The following CRTAC1 variants were observed in gnomAD, a reference collection of about 807,000 sequenced individuals.
CRTAC1 encodes the protein cartilage acidic protein 1, also known as acidic secreted protein in cartilage.
Under a neutral mutation model 67.8 loss-of-function variants are expected in CRTAC1, and 37 were observed. The observed-to-expected ratio is 0.55, with a 90% CI of 0.42 to 0.72. The LOEUF (loss-of-function observed/expected upper bound fraction) is 0.72. Among genes scored for constraint, CRTAC1 ranks in the 30% least tolerant of loss-of-function variants. CRTAC1 has a pLI of 0.00. For missense variants in CRTAC1, 780 were observed against 931.6 expected (o/e 0.84, Z 2.12); for synonymous variants, 348 against 371.0 (o/e 0.94, Z 0.71).
chr10:97,874,407 C>T (rs1329916754), intron 14 of CRTAC1, among the ~76,000 whole-genome samples: 2 of 152,218 alleles, frequency 1.3e-5, no homozygotes, highest in Admixed American at 1.3e-4. Context: ...GGGAATGGCA[C>T]TGCATGAGAA....
rs1369258422 is a variant in CRTAC1, at chr10:97,975,291, T to C, written c.224+35847A>G. On this transcript the variant is annotated intron_variant, in intron 2 of 14. Transcript: ENST00000370597. This position sits in a 1 kb window ranked among gnomAD's most constrained non-coding sequence, Gnocchi z 4.8. Reference sequence around the variant, plus strand: ...ACTGATGCGGCTGTCCTCAGCCCCCTCACGGAGCACGGGTGCTGCGGGAGG... The same window carrying C: ...ACTGATGCGGCTGTCCTCAGCCCCCCCACGGAGCACGGGTGCTGCGGGAGG... 1.3e-5 allele frequency among the ~76,000 whole-genome samples: 2 copies of C among 152,004 alleles called. No homozygotes were observed. Among genetic ancestry groups the C allele is most frequent in the Non-Finnish European group, 2.9e-5 (2 of 67,978 alleles).
intron 2 of CRTAC1, among the ~76,000 whole-genome samples, chr10:97,948,587 T>C (rs1220640316): frequency 6.6e-6 from 1 of 151,976 alleles, no homozygotes; most frequent in African/African-American, 2.4e-5. Flanking sequence ...GGGTGTGCAG[T>C]AGGTCAGCAG....
intron 2 of CRTAC1, among the ~76,000 whole-genome samples, chr10:97,937,376 C>T (rs945258329): frequency 1.3e-5 from 2 of 152,158 alleles, no homozygotes; most frequent in Non-Finnish European, 2.9e-5. Flanking sequence ...ACCACCCCCG[C>T]CACTGCACCA....
chr10:97,978,429 A>G (rs2051840949), intron 2 of CRTAC1, among the ~76,000 whole-genome samples: 1 of 152,094 alleles, frequency 6.6e-6, no homozygotes, highest in Non-Finnish European at 1.5e-5. Flanking sequence ...CATCTTACAT[A>G]GTACATCATT....
At chr10:97,901,789 G>C (rs996706908) in intron 7 of CRTAC1, 150 bp from the exon 8 acceptor site, 5 of 878,294 alleles carry the variant, frequency 5.7e-6, no homozygotes, top group Non-Finnish European at 8.7e-6. Flanking sequence ...CCTGGGGGCT[G>C]CCTTTAGGAC....
chr10:97,964,953 G>A (rs921718635), intron 2 of CRTAC1, among the ~76,000 whole-genome samples: 6 of 152,180 alleles, frequency 3.9e-5, no homozygotes, highest in Non-Finnish European at 7.3e-5. Context: ...CAGCTGGTAG[G>A]AGACCCAGCC....
At chr10:97,944,820 C>T (rs1463192108) in intron 2 of CRTAC1, among the ~76,000 whole-genome samples, 3 of 152,112 alleles carry the variant, frequency 2.0e-5, no homozygotes, top group Non-Finnish European at 4.4e-5. Flanking sequence ...GACCACCATG[C>T]TCTGAAATCA....
At chr10:98,028,852 T>C (rs1190804015) in intron 1 of CRTAC1, among the ~76,000 whole-genome samples, 1 of 152,042 alleles carries the variant, frequency 6.6e-6, no homozygotes, top group African/African-American at 2.4e-5. Flanking sequence ...CCACCTACAT[T>C]CAGGGATGGG....
At chr10:97,971,723 G>T (rs192868262) in intron 2 of CRTAC1, among the ~76,000 whole-genome samples, 1 of 152,322 alleles carries the variant, frequency 6.6e-6, no homozygotes, top group Admixed American at 6.5e-5. Context: ...ACACAGAGCT[G>T]CAGCTAAGTT....
At chr10:97,925,891 C>T (rs554644011) in intron 3 of CRTAC1, among the ~76,000 whole-genome samples, 7 of 152,238 alleles carry the variant, frequency 4.6e-5, no homozygotes, top group Admixed American at 2.0e-4. Context: ...TCAGGTGGCT[C>T]CACCCAGGAG....
At chr10:97,953,331 C>G (rs1160036279) in intron 2 of CRTAC1, among the ~76,000 whole-genome samples, 3 of 152,098 alleles carry the variant, frequency 2.0e-5, no homozygotes, top group African/African-American at 4.8e-5. Flanking sequence ...CCATAACACT[C>G]TCTTTTAGAG....
In CRTAC1 at chr10:98,011,018, C is replaced by A; in HGVS notation, c.224+120G>T. 4.5e-6 allele frequency: 4 copies of A among 880,714 alleles called. No homozygotes were observed. In the South Asian group the frequency reaches 6.3e-5, roughly 14 times the overall value. 54.6% of individuals were successfully genotyped at this position (880,714 alleles called of 1,614,324 possible). ...AAGCTGCAGCTGAGCCACAGACAACCACAGACCTATGAGTGAGAACGTATG... is the reference window on the plus strand; with the variant it reads ...AAGCTGCAGCTGAGCCACAGACAACAACAGACCTATGAGTGAGAACGTATG... On this transcript the variant is annotated intron_variant, in intron 2 of 14. Coordinates refer to ENST00000370597, the MANE Select transcript of CRTAC1 (RefSeq NM_018058.7).
intron 2 of CRTAC1, among the ~76,000 whole-genome samples, chr10:97,987,335 T>C (rs895012805): frequency 6.6e-6 from 1 of 152,230 alleles, no homozygotes. Flanking sequence ...CTGGGGTTCA[T>C]GTGGAATATT....
chr10:98,024,868 A>C (rs1206336603), intron 1 of CRTAC1, among the ~76,000 whole-genome samples: 3 of 149,464 alleles, frequency 2.0e-5, no homozygotes, highest in Non-Finnish European at 4.4e-5. Flanking sequence ...CCAATATTGC[A>C]CAATGAGTCA....
At position 97,978,796 on chromosome 10, in the gene CRTAC1, C is replaced by T. The variant is rs548049455; in HGVS notation, c.224+32342G>A. On this transcript the variant is annotated intron_variant, in intron 2 of 14. Coordinates refer to ENST00000370597, the MANE Select transcript of CRTAC1 (RefSeq NM_018058.7). ...ACTTGCTGTCTTCCTATTGCTTACC[C>T]CCTCTGAAATGATCTTGCTTATTTG... Among the ~76,000 whole-genome samples the T allele has an allele frequency of 5.3e-5, 8 of 152,314 alleles. No homozygotes were observed. In the South Asian group the frequency reaches 1.7e-3, roughly 32 times the overall value.
chr10:97,954,517 G>A (rs1184878984), intron 2 of CRTAC1, among the ~76,000 whole-genome samples: 1 of 152,194 alleles, frequency 6.6e-6, no homozygotes, highest in Non-Finnish European at 1.5e-5. Context: ...GAGGACTCCT[G>A]CCAGATCCTG....
intron 14 of CRTAC1, among the ~76,000 whole-genome samples, chr10:97,877,073 A>C (rs1435529984): frequency 7.0e-6 from 1 of 143,434 alleles, no homozygotes; most frequent in East Asian, 2.1e-4. Flanking sequence ...GGGGCAGGGG[A>C]CTTGTCCACC....
chr10:97,971,521 A>T (rs2051712575), intron 2 of CRTAC1, among the ~76,000 whole-genome samples: 2 of 152,188 alleles, frequency 1.3e-5, no homozygotes, highest in South Asian at 4.1e-4. Flanking sequence ...ATGGGGAGTG[A>T]GTGTTTAATA....
intron 3 of CRTAC1, among the ~76,000 whole-genome samples, chr10:97,924,052 G>T (rs2050878847): frequency 6.6e-6 from 1 of 152,184 alleles, no homozygotes; most frequent in African/African-American, 2.4e-5. Context: ...GCCCCTTTGA[G>T]AATTGGAGGG....
Sources: allele counts gnomAD v4.1 joint callset (sites outside exome capture counted in the v4.1 genomes callset), GRCh38; gene constraint gnomAD v4.1.1; non-coding constraint Gnocchi (gnomAD v3.1); transcripts MANE v1.5; gene names NCBI Gene and HGNC (gene_info 2026-07-23, HGNC 2026-07-21).